The following RGS6 variants were observed in gnomAD, a reference collection of about 807,000 sequenced individuals.
RGS6 encodes regulator of G protein signaling 6.
A neutral mutation model predicts 78.5 loss-of-function variants in RGS6; 30 were observed. The observed-to-expected ratio is 0.38, with a 90% CI of 0.29 to 0.52. RGS6 has a LOEUF of 0.52. Ranked by LOEUF, RGS6 falls within the 20% of genes least tolerant of loss-of-function variation. RGS6 has a pLI of 0.85. For missense variants in RGS6, 495 were observed against 609.7 expected, an observed-to-expected ratio of 0.81 and a Z score of 1.98; for synonymous variants, 206 against 206.0, an observed-to-expected ratio of 1.00 and a Z score of 0.00.
Position 71,994,783 on chromosome 14 carries a change from C to T in RGS6, c.84+29908C>T, listed in dbSNP as rs527766095. On this transcript the variant is annotated intron_variant, in intron 2 of 17. Coordinates refer to ENST00000553525, the MANE Select transcript of RGS6 (RefSeq NM_001204424.2). ...AAGAGAGGCCTGAACATACCCTTCCCCAGAGCCTTCAGAGGGAGCATGGCC... is the reference window on the plus strand; with the variant it reads ...AAGAGAGGCCTGAACATACCCTTCCTCAGAGCCTTCAGAGGGAGCATGGCC... Among the ~76,000 whole-genome samples the T allele has an allele frequency of 2.0e-5, 3 of 152,188 alleles. No individual in the cohort carries two copies. In the East Asian group the frequency reaches 5.8e-4, roughly 29 times the overall value.
intron 3 of RGS6, among the ~76,000 whole-genome samples, chr14:72,424,983 G>A (rs189587241): frequency 9.1e-4 from 138 of 152,306 alleles, no homozygotes; most frequent in African/African-American, 3.1e-3. Context: ...AACGGTGCCT[G>A]ACATGCAGGA....
chr14:71,956,408 G>GTA (rs1566906144), intron 1 of RGS6, among the ~76,000 whole-genome samples: 4 of 151,560 alleles, frequency 2.6e-5, no homozygotes, highest in African/African-American at 7.3e-5. Flanking sequence ...GTGTGTGTGT[G>GTA]TATATATATG....
intron 3 of RGS6, among the ~76,000 whole-genome samples, chr14:72,405,750 G>T (rs2092863515): frequency 6.6e-6 from 1 of 152,212 alleles, no homozygotes; most frequent in South Asian, 2.1e-4. Flanking sequence ...TTAGCACTAG[G>T]TCTCCTTGCC....
chr14:72,548,064 G>A (rs570727531), intron 17 of RGS6, among the ~76,000 whole-genome samples: 26 of 152,172 alleles, frequency 1.7e-4, no homozygotes, highest in Non-Finnish European at 3.1e-4. Context: ...TATATTCAGC[G>A]TCTTCATGGC....
At chr14:72,466,482 C>T (rs1195782047) in intron 7 of RGS6, among the ~76,000 whole-genome samples, 1 of 152,184 alleles carries the variant, frequency 6.6e-6, no homozygotes, top group African/African-American at 2.4e-5. Context: ...GAAAACAACC[C>T]AAATGCACTT....
intron 2 of RGS6, among the ~76,000 whole-genome samples, chr14:72,228,854 T>A (rs1385488444): frequency 6.6e-6 from 1 of 152,234 alleles, no homozygotes; most frequent in Non-Finnish European, 1.5e-5. Context: ...AAGACCAGCC[T>A]GGCCAGCTGA....
chr14:72,367,210 C>T (rs10136263), intron 3 of RGS6, among the ~76,000 whole-genome samples: 45,088 of 152,066 alleles, frequency 0.3, 6,904 homozygotes, highest in South Asian at 0.45. Context: ...GATGCGTTCT[C>T]CCTGAACATG....
intron 11 of RGS6, 175 bp downstream of exon 11, chr14:72,477,015 G>C: frequency 1.7e-6 from 1 of 589,756 alleles, no homozygotes; most frequent in South Asian, 2.1e-5. Context: ...ACGGAAGCTT[G>C]AGAGAAAGAA....
chr14:72,295,066 C>T (rs146726847), intron 2 of RGS6, among the ~76,000 whole-genome samples: 9,135 of 151,860 alleles, frequency 0.06, 349 homozygotes, highest in Non-Finnish European at 0.082. Context: ...CCGAGGCGGG[C>T]GGATCACGAG....
chr14:71,884,377 A>C, the RGS6 span, among the ~76,000 whole-genome samples: 1 of 152,238 alleles, frequency 6.6e-6, no homozygotes, highest in East Asian at 1.9e-4. Context: ...CTTAAGCCTC[A>C]AGAGCTTGTC....
intron 2 of RGS6, among the ~76,000 whole-genome samples, chr14:72,251,565 A>G (rs1001243887): frequency 3.3e-5 from 5 of 152,226 alleles, no homozygotes; most frequent in Non-Finnish European, 5.9e-5. Context: ...TTTCTGAGCC[A>G]CAACAGGCCT....
chr14:72,561,401 G>C lies in RGS6; in HGVS notation c.1423-1016G>C, dbSNP rs957441021. On this transcript the variant is annotated intron_variant, in intron 17 of 17. Coordinates refer to ENST00000553525, the MANE Select transcript of RGS6 (RefSeq NM_001204424.2). Reference sequence around the variant, plus strand: ...GGTTTGGAGTGCTTTCCCAGACACAGTGATCAATCTGCCTGGGTCTAGCCA... The same window carrying C: ...GGTTTGGAGTGCTTTCCCAGACACACTGATCAATCTGCCTGGGTCTAGCCA... Among the ~76,000 whole-genome samples the C allele has an allele frequency of 2.0e-5, 3 of 152,336 alleles. No individual in the cohort carries two copies. The East Asian group carries it at 5.8e-4, about 29-fold the overall frequency.
At chr14:72,488,871 A>G (rs2096535424) in intron 12 of RGS6, among the ~76,000 whole-genome samples, 1 of 152,194 alleles carries the variant, frequency 6.6e-6, no homozygotes, top group African/African-American at 2.4e-5. Flanking sequence ...ATCTGCTAGA[A>G]CACATTTGGG....
intron 1 of RGS6, among the ~76,000 whole-genome samples, chr14:71,933,796 A>G (rs986610623): frequency 6.6e-6 from 1 of 152,158 alleles, no homozygotes; most frequent in South Asian, 2.1e-4. Context: ...AACCCCAAAG[A>G]AAAACGCAAA....
intron 3 of RGS6, among the ~76,000 whole-genome samples, chr14:72,361,007 G>T (rs934957577): frequency 6.6e-6 from 1 of 151,412 alleles, no homozygotes; most frequent in Non-Finnish European, 1.5e-5. Flanking sequence ...TAAGACATGC[G>T]TGCTTCCCTT....
chr14:72,537,156 G>C (rs1182059577), intron 16 of RGS6, among the ~76,000 whole-genome samples: 1 of 152,148 alleles, frequency 6.6e-6, no homozygotes, highest in Non-Finnish European at 1.5e-5. Context: ...GGCTCAACTT[G>C]CACCAAACCC....
At chr14:72,544,466 G>A (rs2097366131) in intron 17 of RGS6, among the ~76,000 whole-genome samples, 1 of 152,144 alleles carries the variant, frequency 6.6e-6, no homozygotes, top group African/African-American at 2.4e-5. Flanking sequence ...GATAGAAAAT[G>A]GGGTTGCTGG....
At chr14:72,423,585 C>T (rs1857917919) in intron 3 of RGS6, among the ~76,000 whole-genome samples, 1 of 148,078 alleles carries the variant, frequency 6.8e-6, no homozygotes, top group East Asian at 2.0e-4. Flanking sequence ...AAACTCAATA[C>T]TATGTGTTCT....
chr14:72,539,830 G>T (rs1567083993), intron 16 of RGS6, among the ~76,000 whole-genome samples: 1 of 152,208 alleles, frequency 6.6e-6, no homozygotes, highest in Admixed American at 6.5e-5. Flanking sequence ...CTCCAAGGAG[G>T]CGGCACCATT....
Sources: gnomAD v4.1 joint callset for allele counts (sites outside exome capture counted in the v4.1 genomes callset) on GRCh38, gnomAD v4.1.1 for gene constraint, MANE v1.5 for transcripts, NCBI Gene and HGNC (gene_info 2026-07-23, HGNC 2026-07-21) for gene names.